Variants in SLC5A4 observed in about 807,000 individuals in gnomAD.
SLC5A4 encodes the protein probable glucose sensor protein SLC5A4.
Under a neutral mutation model 70.3 loss-of-function variants are expected in SLC5A4, and 55 were observed. The ratio of observed to expected loss-of-function variants is 0.78; its 90% CI spans 0.63 to 0.98. The LOEUF (loss-of-function observed/expected upper bound fraction) is 0.98, where lower values mean the gene tolerates loss of function less well. SLC5A4 is among the 50% of genes least tolerant of loss of function. The pLI is 0.00. For synonymous variants in SLC5A4, 268 were observed against 305.7 expected, an observed-to-expected ratio of 0.88 and a Z score of 1.29; for missense variants, 735 against 839.2, an observed-to-expected ratio of 0.88 and a Z score of 1.53.
the SLC5A4 span, among the ~76,000 whole-genome samples, chr22:32,277,953 T>C: frequency 3.9e-4 from 60 of 152,248 alleles, no homozygotes; most frequent in East Asian, 6.2e-3. Context: ...ATGACATTCA[T>C]ATCACATCTT....
At chr22:32,319,787 A>G in the SLC5A4 span, among the ~76,000 whole-genome samples, 3 of 152,226 alleles carry the variant, frequency 2.0e-5, no homozygotes, top group Admixed American at 2.0e-4. Flanking sequence ...TCGCTGTCTA[A>G]AAGTCCATAT....
chr22:32,270,703 C>A, the SLC5A4 span: 4 of 677,076 alleles, frequency 5.9e-6, no homozygotes, highest in African/African-American at 5.3e-5. Context: ...AGGAATGAAT[C>A]AGTTGTACTT....
chr22:32,333,198 C>G, the SLC5A4 span, among the ~76,000 whole-genome samples: 1 of 145,836 alleles, frequency 6.9e-6, no homozygotes, highest in Non-Finnish European at 1.5e-5. Flanking sequence ...GCACTGGCAC[C>G]CCCCCCCCAG....
upstream of SLC5A4, among the ~76,000 whole-genome samples, chr22:32,257,051 C>A (rs5998339): frequency 0.062 from 9,514 of 152,266 alleles, 682 homozygotes; most frequent in African/African-American, 0.18. Context: ...GAGTTAATTT[C>A]TCCATATCCT....
chr22:32,312,507 A>G, the SLC5A4 span, among the ~76,000 whole-genome samples: 1 of 152,132 alleles, frequency 6.6e-6, no homozygotes, highest in African/African-American at 2.4e-5. Context: ...TCCTGGCTGG[A>G]ATCAGCCAGA....
chr22:32,308,738 G>A, the SLC5A4 span, among the ~76,000 whole-genome samples: 23 of 151,464 alleles, frequency 1.5e-4, no homozygotes, highest in Non-Finnish European at 2.6e-4. Context: ...GACAGCAAGA[G>A]GGACCAGATC....
At chr22:32,350,601 G>A in the SLC5A4 span, among the ~76,000 whole-genome samples, 13 of 151,868 alleles carry the variant, frequency 8.6e-5, no homozygotes, top group Non-Finnish European at 1.5e-4. Context: ...TGAGGTTAAC[G>A]GTATTCAAAT....
chr22:32,344,849 T>A, the SLC5A4 span, among the ~76,000 whole-genome samples: 2 of 152,286 alleles, frequency 1.3e-5, no homozygotes, highest in South Asian at 2.1e-4. Flanking sequence ...CTGATTAGCG[T>A]ACCCTGTATC....
chr22:32,282,597 G>A, the SLC5A4 span, among the ~76,000 whole-genome samples: 1 of 152,074 alleles, frequency 6.6e-6, no homozygotes, highest in Non-Finnish European at 1.5e-5. Flanking sequence ...AGATTCCAAT[G>A]ACTCCCATGT....
the SLC5A4 span, among the ~76,000 whole-genome samples, chr22:32,330,689 G>C: frequency 1.0e-5 from 1 of 95,974 alleles, no homozygotes; most frequent in Non-Finnish European, 2.0e-5. Context: ...TCTGGTGTGT[G>C]TGTTGGGGGC....
chr22:32,278,093 A>C, the SLC5A4 span, among the ~76,000 whole-genome samples: 1 of 152,200 alleles, frequency 6.6e-6, no homozygotes, highest in Non-Finnish European at 1.5e-5. Flanking sequence ...CCCTGGGTCT[A>C]GGTCACTTAG....
the SLC5A4 span, among the ~76,000 whole-genome samples, chr22:32,310,399 C>G: frequency 6.6e-6 from 1 of 152,152 alleles, no homozygotes; most frequent in Non-Finnish European, 1.5e-5. Context: ...GGGTCTTGGG[C>G]CCCCACCCCA....
chr22:32,228,886 T>G (rs2123882632), intron 11 of SLC5A4, among the ~76,000 whole-genome samples: 1 of 152,246 alleles, frequency 6.6e-6, no homozygotes, highest in South Asian at 2.1e-4. Flanking sequence ...GGTGGAAATT[T>G]TACACCCTAT....
At chr22:32,307,783 G>T in the SLC5A4 span, among the ~76,000 whole-genome samples, 1 of 152,232 alleles carries the variant, frequency 6.6e-6, no homozygotes, top group Non-Finnish European at 1.5e-5. Flanking sequence ...CCAGCCCAGT[G>T]ATGTACTCCT....
At chr22:32,349,816 A>G in the SLC5A4 span, among the ~76,000 whole-genome samples, 1 of 152,088 alleles carries the variant, frequency 6.6e-6, no homozygotes, top group African/African-American at 2.4e-5. Context: ...GACTTGTCCT[A>G]TATTTCTCTC....
the SLC5A4 span, among the ~76,000 whole-genome samples, chr22:32,311,976 A>AC: frequency 6.7e-6 from 1 of 150,186 alleles, no homozygotes; most frequent in Non-Finnish European, 1.5e-5. Context: ...GCGCCTGGGC[A>AC]CCCCCCTTCC....
rs533166902 is a variant in SLC5A4 at position 32,250,509 on chromosome 22, A to G, written c.312+1261T>C. ...CTGGGGAACAGAGCAAGGCTGTGGG[A>G]GTGCAAATTAGTTCAAACATTGTGG... On this transcript the variant is annotated intron_variant, in intron 3 of 14. Transcript: ENST00000266086. Among the ~76,000 whole-genome samples, 26 of 152,288 alleles carry G rather than the reference A, an allele frequency of 1.7e-4. 1 individual carries two copies. The South Asian group carries it at 5.2e-3, about 30-fold the overall frequency.
At chr22:32,336,929 G>A in the SLC5A4 span, among the ~76,000 whole-genome samples, 11 of 152,210 alleles carry the variant, frequency 7.2e-5, no homozygotes, top group African/African-American at 2.2e-4. Flanking sequence ...CTGAATAAAT[G>A]AGTAAATTAA....
the SLC5A4 span, among the ~76,000 whole-genome samples, chr22:32,308,686 A>T: frequency 7.3e-4 from 110 of 150,712 alleles, no homozygotes; most frequent in Middle Eastern, 3.4e-3. Flanking sequence ...CCACCCTGGG[A>T]ACACTGTCAG....
Sources: gnomAD v4.1 joint callset for allele counts (sites outside exome capture counted in the v4.1 genomes callset) on GRCh38, gnomAD v4.1.1 for gene constraint, MANE v1.5 for transcripts, NCBI Gene and HGNC (gene_info 2026-07-23, HGNC 2026-07-21) for gene names.